The following KTN1 variants were observed in gnomAD, a reference collection of about 807,000 sequenced individuals.
KTN1 encodes kinectin.
Under a neutral mutation model 222.5 loss-of-function variants are expected in KTN1, and 130 were observed. The observed-to-expected ratio is 0.58, with a 90% CI of 0.51 to 0.68. The LOEUF is 0.68. Ranked by LOEUF, KTN1 falls within the 30% of genes least tolerant of loss-of-function variation. KTN1 has a pLI of 0.00. For missense variants in KTN1, 1,508 were observed against 1,500.4 expected (o/e 1.01, Z -0.08); for synonymous variants, 512 against 496.3 (o/e 1.03, Z -0.42).
chr14:55,669,679 A>C (rs532791309), intron 34 of KTN1, among the ~76,000 whole-genome samples: 192 of 152,162 alleles, frequency 1.3e-3, no homozygotes, highest in African/African-American at 4.5e-3. Context: ...GTTGGGTACC[A>C]ATAGTTGAAA....
chr14:55,648,707 G>T (rs2042635984), intron 20 of KTN1, 95 bp from the exon 21 acceptor site: 2 of 806,264 alleles, frequency 2.5e-6, no homozygotes, highest in African/African-American at 1.7e-5. Context: ...GAGTAGAAAA[G>T]AAGCAGCTAA....
chr14:55,602,984 C>T (rs1238663259), intron 1 of KTN1, among the ~76,000 whole-genome samples: 3 of 152,158 alleles, frequency 2.0e-5, no homozygotes, highest in Non-Finnish European at 2.9e-5. Flanking sequence ...ATACCGTCTA[C>T]CTCCTTTCCT....
At chr14:55,639,312 C>T in intron 13 of KTN1, 90 bp downstream of exon 13, 3 of 858,432 alleles carry the variant, frequency 3.5e-6, no homozygotes, top group East Asian at 5.1e-5. Flanking sequence ...CTTTATACCT[C>T]TGACGACCTG....
chr14:55,630,232 C>G, intron 7 of KTN1, 135 bp downstream of exon 7: 1 of 734,730 alleles, frequency 1.4e-6, no homozygotes, highest in Non-Finnish European at 2.3e-6. Flanking sequence ...ACTCTGCGTC[C>G]TAAGTAAAAC....
intron 1 of KTN1, among the ~76,000 whole-genome samples, chr14:55,608,960 G>T (rs1409151044): frequency 4.6e-5 from 7 of 151,250 alleles, no homozygotes; most frequent in Admixed American, 4.6e-4. Flanking sequence ...TTTTTTTCTT[G>T]CAAATAAATT....
rs2033498874 is a variant in KTN1 at position 55,588,555 on chromosome 14, C to T, written c.-31+8201C>T. ...ACTGTTACTGGAAGGACAGAATGCT[C>T]ATGTGGAGATAATTAGAGTCATGGA... is the stretch of plus-strand genomic sequence containing the variant. On this transcript the variant is annotated intron_variant, in intron 1 of 43. Transcript: ENST00000395314. Among the ~76,000 whole-genome samples the T allele has an allele frequency of 2.0e-5, 3 of 152,276 alleles. No individual in the cohort carries two copies. In the South Asian group the frequency reaches 6.2e-4, roughly 32 times the overall value.
intron 25 of KTN1, among the ~76,000 whole-genome samples, 179 bp from the exon 26 acceptor site, chr14:55,652,671 T>C (rs529817136): frequency 4.7e-4 from 71 of 152,364 alleles, no homozygotes; most frequent in Non-Finnish European, 9.4e-4. Context: ...AGTGTTGGGA[T>C]TACAGGCGTG....
chr14:55,683,990 C>A, intron 43 of KTN1, 109 bp from the exon 44 acceptor site: 2 of 820,454 alleles, frequency 2.4e-6, no homozygotes, highest in Non-Finnish European at 3.8e-6. Flanking sequence ...TTTGAAAGGG[C>A]CATGCTAGAT....
intron 32 of KTN1, among the ~76,000 whole-genome samples, chr14:55,662,152 G>A (rs1003422771): frequency 4.0e-5 from 6 of 149,996 alleles, no homozygotes; most frequent in Admixed American, 1.3e-4. Context: ...CTGCAAACTC[G>A]GCCTCCTGGG....
intron 1 of KTN1, among the ~76,000 whole-genome samples, chr14:55,593,008 C>T (rs1857894970): frequency 6.6e-6 from 1 of 152,062 alleles, no homozygotes; most frequent in African/African-American, 2.4e-5. Flanking sequence ...GTGCTTCATA[C>T]TAGGTGAATT....
At chr14:55,604,462 C>G (rs2036443050) in intron 1 of KTN1, among the ~76,000 whole-genome samples, 1 of 152,018 alleles carries the variant, frequency 6.6e-6, no homozygotes. Flanking sequence ...ATGGCAAAAC[C>G]CTGTCTCTAT....
chr14:55,680,793 A>G, intron 43 of KTN1: 1 of 945,956 alleles, frequency 1.1e-6, no homozygotes, highest in Middle Eastern at 2.5e-4. Context: ...CTCATTCTTC[A>G]ACATATCAAC....
At chr14:55,641,478 T>A (rs557399775) in intron 17 of KTN1, among the ~76,000 whole-genome samples, 2 of 152,260 alleles carry the variant, frequency 1.3e-5, no homozygotes, top group East Asian at 3.9e-4. Flanking sequence ...TTGTCTCCAC[T>A]GTTGCTGTAG....
At chr14:55,672,066 A>C (rs1379656150) in intron 37 of KTN1, 189 bp downstream of exon 37, 2 of 539,620 alleles carry the variant, frequency 3.7e-6, no homozygotes, top group East Asian at 6.1e-5. Flanking sequence ...CAAGTTTGAA[A>C]ATCACTGGTT....
At chr14:55,645,752 C>G (rs2042221717) in intron 18 of KTN1, among the ~76,000 whole-genome samples, 1 of 152,044 alleles carries the variant, frequency 6.6e-6, no homozygotes, top group Non-Finnish European at 1.5e-5. Context: ...GAACTAGAAG[C>G]AGAGAGAAGA....
At chr14:55,637,389 T>A (rs550662500) in intron 11 of KTN1, 25 bp downstream of exon 11, 432 of 1,482,776 alleles carry the variant, frequency 2.9e-4, no homozygotes, top group African/African-American at 1.8e-3. Context: ...TTTTTTTTTT[T>A]TAAAAAAATA....
At chr14:55,588,921 TGTGA>T (rs2033570890) in intron 1 of KTN1, among the ~76,000 whole-genome samples, 1 of 152,214 alleles carries the variant, frequency 6.6e-6, no homozygotes, top group African/African-American at 2.4e-5. Flanking sequence ...GTGGTTTCCC[TGTGA>T]GTTTTTTTCA....
chr14:55,643,820 T>C (rs562476261), intron 18 of KTN1, among the ~76,000 whole-genome samples: 1 of 152,302 alleles, frequency 6.6e-6, no homozygotes, highest in South Asian at 2.1e-4. Flanking sequence ...TTAATATTAT[T>C]GCTATCTTAT....
At chr14:55,683,829 T>G in intron 43 of KTN1, 1 of 362,940 alleles carries the variant, frequency 2.8e-6, no homozygotes, top group Admixed American at 4.7e-5. Context: ...TGAGTAGGAC[T>G]AATAAAAATG....
Sources: gnomAD v4.1 joint callset for allele counts (sites outside exome capture counted in the v4.1 genomes callset) on GRCh38, gnomAD v4.1.1 for gene constraint, MANE v1.5 for transcripts, NCBI Gene and HGNC (gene_info 2026-07-23, HGNC 2026-07-21) for gene names.